The following SPON1 variants were observed in gnomAD, a reference collection of about 807,000 sequenced individuals.
SPON1 encodes spondin 1, also known as spondin-1.
A neutral mutation model predicts 111.7 loss-of-function variants in SPON1; 52 were observed. The observed-to-expected ratio is 0.47, with a 90% CI of 0.37 to 0.59. The LOEUF is 0.59. Among genes scored for constraint, SPON1 ranks in the 20% least tolerant of loss-of-function variants. The pLI is 0.00. For synonymous variants in SPON1, 410 were observed against 395.8 expected (o/e 1.04, Z -0.43); for missense variants, 957 against 1,068.5 (o/e 0.90, Z 1.46).
rs1554921878 is a variant in SPON1, at chr11:14,079,964, T to A, written c.619T>A (p.Tyr207Asn). 6.2e-7 allele frequency: 1 copy of A among 1,613,980 alleles called. No homozygotes were observed. Among genetic ancestry groups the A allele is most frequent in the East Asian group, 2.2e-5 (1 of 44,870 alleles). ...CTGCTGTGCCTGCGGAACTGCCAAG[T>A]ACAGACTCACATTTTATGGGAATTG... The part of the protein sequence containing the change: ...LDCCACGTAK[Y>N]RLTFYGNWSE... Residue 207 changes from tyrosine to asparagine, a missense_variant, in exon 5 of 16, where the codon TAC becomes AAC. Transcript: ENST00000576479.
At chr11:14,132,094 T>TG in intron 5 of SPON1, among the ~76,000 whole-genome samples, 1 of 152,102 alleles carries the variant, frequency 6.6e-6, no homozygotes, top group East Asian at 1.9e-4. Flanking sequence ...CTGGCCAACA[T>TG]GGTGAAACCC....
intron 6 of SPON1, among the ~76,000 whole-genome samples, chr11:14,169,211 G>T (rs528468898): frequency 6.6e-6 from 1 of 152,166 alleles, no homozygotes; most frequent in Non-Finnish European, 1.5e-5. Context: ...GTGTGAGATG[G>T]TATCTCATTG....
chr11:14,075,885 A>G (rs572271048), intron 4 of SPON1, among the ~76,000 whole-genome samples: 1 of 152,294 alleles, frequency 6.6e-6, no homozygotes, highest in African/African-American at 2.4e-5. Flanking sequence ...ACCTTGTGAT[A>G]TCACCACATT....
At chr11:14,234,291 C>T (rs1225284589) in intron 6 of SPON1, among the ~76,000 whole-genome samples, 5 of 152,308 alleles carry the variant, frequency 3.3e-5, no homozygotes, top group Admixed American at 2.0e-4. Flanking sequence ...TCTGCTGTGG[C>T]CCCCTTTTCC....
chr11:14,258,930 G>T (rs1270803461), intron 11 of SPON1, among the ~76,000 whole-genome samples: 2 of 152,226 alleles, frequency 1.3e-5, no homozygotes, highest in Admixed American at 6.5e-5. Context: ...GGGAAGGATT[G>T]TTCCTCATAC....
At chr11:14,124,919 T>C (rs1482176742) in intron 5 of SPON1, among the ~76,000 whole-genome samples, 4 of 152,350 alleles carry the variant, frequency 2.6e-5, no homozygotes, top group Admixed American at 1.3e-4. Flanking sequence ...AGTGGCACTT[T>C]CCTTGAGGCC....
intron 6 of SPON1, among the ~76,000 whole-genome samples, chr11:14,180,203 G>A (rs190961694): frequency 6.6e-6 from 1 of 152,298 alleles, no homozygotes; most frequent in East Asian, 1.9e-4. Context: ...AAACCAAGAT[G>A]AGTTAGTCAC....
intron 5 of SPON1, among the ~76,000 whole-genome samples, chr11:14,080,477 C>T (rs1463042890): frequency 6.6e-6 from 1 of 152,164 alleles, no homozygotes; most frequent in Non-Finnish European, 1.5e-5. Flanking sequence ...GCTCCACCCA[C>T]CTTGGCCTCC....
intron 2 of SPON1, among the ~76,000 whole-genome samples, chr11:13,986,761 T>G (rs2133783980): frequency 6.6e-6 from 1 of 152,166 alleles, no homozygotes; most frequent in Non-Finnish European, 1.5e-5. Context: ...CCCCTCCCTA[T>G]GTCCACGTGT....
chr11:14,225,502 C>T (rs952010438), intron 6 of SPON1, among the ~76,000 whole-genome samples: 5 of 152,126 alleles, frequency 3.3e-5, no homozygotes, highest in African/African-American at 1.2e-4. Context: ...AACTTCTAAG[C>T]TATTTATTTT....
intron 7 of SPON1, among the ~76,000 whole-genome samples, chr11:14,253,593 G>A (rs903483932): frequency 1.1e-4 from 16 of 152,198 alleles, no homozygotes; most frequent in African/African-American, 3.6e-4. Context: ...GAGGGCACAG[G>A]GACTTCCAGA....
Position 14,262,749 on chromosome 11 carries a change from G to T in SPON1, c.2034G>T (p.Ser678=), listed in dbSNP as rs782259883. The T allele has an allele frequency of 1.2e-6, 2 of 1,613,760 alleles. No homozygotes were observed. Among genetic ancestry groups the T allele is most frequent in the African/African-American group, 1.3e-5 (1 of 74,858 alleles). ...DCELTEWSQW[S]ECNKSCGKGH... ...AGCTCACCGAGTGGTCCCAGTGGTC[G>T]GAATGTAACAAGTCATGTGGGAAAG... Residue 678 remains serine (S), a synonymous_variant, in exon 15 of 16, where the codon TCG becomes TCT. Coordinates refer to ENST00000576479, the MANE Select transcript of SPON1 (RefSeq NM_006108.4).
intron 5 of SPON1, among the ~76,000 whole-genome samples, chr11:14,116,226 A>C (rs2133851552): frequency 6.6e-6 from 1 of 152,200 alleles, no homozygotes; most frequent in South Asian, 2.1e-4. Flanking sequence ...TGGTAAATAG[A>C]GGATTTAATT....
chr11:14,219,165 C>G (rs1180936070), intron 6 of SPON1, among the ~76,000 whole-genome samples: 4 of 152,174 alleles, frequency 2.6e-5, no homozygotes, highest in Admixed American at 6.5e-5. Flanking sequence ...CTTAGAAGAA[C>G]CAGAATGAAT....
intron 5 of SPON1, among the ~76,000 whole-genome samples, chr11:14,133,433 T>C (rs1847549434): frequency 6.6e-6 from 1 of 152,210 alleles, no homozygotes; most frequent in Non-Finnish European, 1.5e-5. Flanking sequence ...AAGTTTAGGT[T>C]GGCTTGTGGT....
At chr11:14,229,825 C>T (rs1848776593) in intron 6 of SPON1, among the ~76,000 whole-genome samples, 1 of 152,198 alleles carries the variant, frequency 6.6e-6, no homozygotes, top group South Asian at 2.1e-4. Context: ...CTCTTCAATT[C>T]CTGCTCCGTG....
chr11:14,243,310 T>C, intron 6 of SPON1, 22 bp from the exon 7 acceptor site: 4 of 1,568,224 alleles, frequency 2.6e-6, no homozygotes, highest in Non-Finnish European at 3.5e-6. Context: ...GTTCACTAAA[T>C]ATTTGTGGTC....
intron 6 of SPON1, among the ~76,000 whole-genome samples, chr11:14,182,831 G>T (rs1848248781): frequency 6.6e-6 from 1 of 152,164 alleles, no homozygotes; most frequent in South Asian, 2.1e-4. Context: ...TGCCATGAAG[G>T]ATGTTGTTTC....
At chr11:13,999,446 C>T (rs1331543255) in intron 2 of SPON1, among the ~76,000 whole-genome samples, 16 of 147,186 alleles carry the variant, frequency 1.1e-4, no homozygotes, top group African/African-American at 3.8e-4. Flanking sequence ...TTTGAGATGG[C>T]ATCTTGCTGG....
Sources: gnomAD v4.1 joint callset for allele counts (sites outside exome capture counted in the v4.1 genomes callset) on GRCh38, gnomAD v4.1.1 for gene constraint, MANE v1.5 for transcripts, NCBI Gene and HGNC (gene_info 2026-07-23, HGNC 2026-07-21) for gene names.